SLC28A1: variants seen among roughly 807,000 people sequenced by gnomAD.
SLC28A1 encodes sodium/nucleoside cotransporter 1.
A neutral mutation model predicts 74.8 loss-of-function variants in SLC28A1; 64 were observed. The observed-to-expected ratio is 0.86, with a 90% confidence interval of 0.70 to 1.05. The LOEUF is 1.05. Ranked by LOEUF, SLC28A1 falls within the 50% of genes least tolerant of loss-of-function variation. The pLI is 0.00. For missense variants in SLC28A1, 828 were observed against 822.8 expected (o/e 1.01, Z -0.08); for synonymous variants, 359 against 335.0 (o/e 1.07, Z -0.78).
chr15:84,905,562 G>A lies in SLC28A1; in HGVS notation c.627G>A (p.Trp209Ter). The A allele has an allele frequency of 1.2e-6, 2 of 1,613,770 alleles. No individual in the cohort carries two copies. The highest frequency in any genetic ancestry group is 1.7e-6 in the Non-Finnish European group (2 of 1,179,660). The change falls in exon 8 of 19, where the codon TGG (tryptophan) becomes TGA (stop). Residue 209 changes from tryptophan (W) to a stop codon, truncating the protein, a stop_gained. Transcript: ENST00000394573. LOFTEE classifies it high-confidence loss of function. The part of the protein sequence containing the change: ...HCAVSWRAVS[W>*]GLGLQFVLGL... ...AGGTGTCCTGGAGGGCCGTGTCTTG[G>A]GGACTTGGACTGCAGTTTGTACTTG... is the stretch of plus-strand genomic sequence containing the variant.
intron 12 of SLC28A1, among the ~76,000 whole-genome samples, chr15:84,930,806 A>G (rs1971180611): frequency 6.7e-6 from 1 of 149,800 alleles, no homozygotes; most frequent in Non-Finnish European, 1.5e-5. Flanking sequence ...GTCTCGCACT[A>G]TTGCCTGGGC....
chr15:84,906,573 T>TCTTTCTCTTGCTTC (rs1967246980), intron 8 of SLC28A1, among the ~76,000 whole-genome samples: 13 of 97,978 alleles, frequency 1.3e-4, no homozygotes, highest in Non-Finnish European at 6.5e-5. Flanking sequence ...TCTCTTTCTT[T>TCTTTCTCTTGCTTC]CTTCCTTCCT....
At chr15:84,895,753 C>CG (rs1965930066) in intron 6 of SLC28A1, 1 of 1,186,734 alleles carries the variant, frequency 8.4e-7, no homozygotes, top group South Asian at 2.3e-5. Flanking sequence ...AGAAAATTCG[C>CG]TGGGGGAAAA....
chr15:84,915,089 T>G (rs933419876), intron 9 of SLC28A1, among the ~76,000 whole-genome samples: 1 of 152,098 alleles, frequency 6.6e-6, no homozygotes, highest in African/African-American at 2.4e-5. Flanking sequence ...GGACAAGCAG[T>G]CTAGACAGTA....
Position 84,928,518 on chromosome 15 carries a change from G to GTTTC in SLC28A1, c.1083+4408_1083+4409insTTTC, listed in dbSNP as rs749290216. On this transcript the variant is annotated intron_variant, in intron 12 of 18. Transcript: ENST00000394573. Reference sequence around the variant, plus strand: ...TCTTGCCCTTTCCTTCAAGCTCCCAGGTTCGTTCGTTCTTTCTTTCTTTCT... The same window carrying GTTTC: ...TCTTGCCCTTTCCTTCAAGCTCCCAGTTTCGTTCGTTCGTTCTTTCTTTCTTTCT... Among the ~76,000 whole-genome samples, 136 of 34,120 alleles carry GTTTC rather than the reference G, an allele frequency of 4.0e-3. 17 individuals are homozygous for GTTTC. Among genetic ancestry groups the GTTTC allele is most frequent in the African/African-American group, 9.0e-3 (129 of 14,274 alleles). 22.4% of individuals were successfully genotyped at this position (34,120 alleles called of 152,430 possible).
chr15:84,942,170 G>A (rs1237773358), intron 15 of SLC28A1, among the ~76,000 whole-genome samples: 1 of 152,124 alleles, frequency 6.6e-6, no homozygotes, highest in East Asian at 1.9e-4. Context: ...TATAGTAGGT[G>A]TAAATATTTA....
chr15:84,940,392 TA>T (rs956682179), intron 15 of SLC28A1: 1 of 152,862 alleles, frequency 6.5e-6, no homozygotes, highest in African/African-American at 2.4e-5. Flanking sequence ...CTGTACAGTT[TA>T]AAAACAAATC....
intron 6 of SLC28A1, chr15:84,895,645 G>C: frequency 1.4e-6 from 2 of 1,432,214 alleles, no homozygotes. Flanking sequence ...GCAGGAGAGG[G>C]AGGTTGTGGA....
rs115647635 is a variant in SLC28A1, at chr15:84,945,168, C to A, written c.1918C>A (p.Arg640=). 3.1e-6 allele frequency: 5 copies of A among 1,614,048 alleles called. No homozygotes were observed. In the East Asian group the frequency reaches 8.9e-5, roughly 29 times the overall value. ...FSPEALDNCC[R]FYNHTICAQ is the part of the protein sequence containing the mutation. ...CCCAGAGGCCCTGGACAACTGCTGT[C>A]GGTTTTACAACCACACGATCTGTGC... is the stretch of plus-strand genomic sequence containing the variant. Residue 640 remains arginine, a synonymous_variant, in exon 19 of 19, where the codon CGG becomes AGG. Coordinates refer to ENST00000394573, the MANE Select transcript of SLC28A1 (RefSeq NM_004213.5).
chr15:84,962,474 G>A, the SLC28A1 span, among the ~76,000 whole-genome samples: 72 of 152,184 alleles, frequency 4.7e-4, no homozygotes, highest in South Asian at 7.5e-3. Context: ...GTCTTGCTCC[G>A]TCGCCCAGGC....
chr15:84,898,889 G>A (rs977947440), intron 6 of SLC28A1, among the ~76,000 whole-genome samples: 76 of 152,292 alleles, frequency 5.0e-4, no homozygotes, highest in African/African-American at 1.7e-3. Flanking sequence ...GGAAATCCAG[G>A]GAAGCCATGG....
intron 9 of SLC28A1, among the ~76,000 whole-genome samples, chr15:84,911,559 C>T (rs780227992): frequency 6.6e-6 from 1 of 151,572 alleles, no homozygotes; most frequent in African/African-American, 2.4e-5. Flanking sequence ...CAAAAATGAT[C>T]ATTTAAAAAT....
the SLC28A1 span, among the ~76,000 whole-genome samples, chr15:84,953,534 G>A: frequency 1.3e-5 from 2 of 152,168 alleles, no homozygotes; most frequent in African/African-American, 4.8e-5. Flanking sequence ...GTTCAAGACC[G>A]GCCTGGGCAA....
At chr15:84,963,271 G>A in the SLC28A1 span, among the ~76,000 whole-genome samples, 13 of 152,132 alleles carry the variant, frequency 8.5e-5, no homozygotes, top group Non-Finnish European at 1.3e-4. Flanking sequence ...AACAAGCAGT[G>A]CCTACCACCA....
In SLC28A1 at chr15:84,908,178, CTTTTTTT is replaced by C. The variant is rs71135328; in HGVS notation, c.718-523_718-517del. Among the ~76,000 whole-genome samples, 711 of 91,336 alleles carry C rather than the reference CTTTTTTT, an allele frequency of 7.8e-3. 4 individuals are homozygous for C. The highest frequency in any genetic ancestry group is 0.028 in the African/African-American group (585 of 20,940). The allele number at this position is 91,336 out of a possible 152,430, so 59.9% of individuals were successfully genotyped here. A position where few individuals can be genotyped will look rare whatever the true frequency, so the allele number is the denominator to read the frequency against. ...TGTCCTAATAACTCCCAGAGCATTTCTTTTTTTTTTTTTTTTTTTTTTTGAGACAGAG... is the reference window on the plus strand; with the variant it reads ...TGTCCTAATAACTCCCAGAGCATTTCTTTTTTTTTTTTTTTTGAGACAGAG... On this transcript the variant is annotated intron_variant, in intron 8 of 18. Coordinates refer to ENST00000394573, the MANE Select transcript of SLC28A1 (RefSeq NM_004213.5).
chr15:84,894,688 TCAC>T (rs1241827812), intron 5 of SLC28A1, among the ~76,000 whole-genome samples: 8 of 152,196 alleles, frequency 5.3e-5, no homozygotes, highest in Admixed American at 5.2e-4. Flanking sequence ...CACATCTCCC[TCAC>T]ATTTGGTAAG....
At chr15:84,967,445 A>C in the SLC28A1 span, among the ~76,000 whole-genome samples, 1 of 152,344 alleles carries the variant, frequency 6.6e-6, no homozygotes, top group East Asian at 1.9e-4. Flanking sequence ...AGGAATAGTG[A>C]TGGCCTGACC....
chr15:84,951,550 T>A, the SLC28A1 span, among the ~76,000 whole-genome samples: 1 of 152,012 alleles, frequency 6.6e-6, no homozygotes, highest in Non-Finnish European at 1.5e-5. Context: ...TCCTTTATGT[T>A]ATTATTTGGG....
intron 3 of SLC28A1, among the ~76,000 whole-genome samples, chr15:84,888,350 C>T (rs888012063): frequency 1.3e-5 from 2 of 152,114 alleles, no homozygotes; most frequent in African/African-American, 4.8e-5. Flanking sequence ...CCTTCACTGC[C>T]CTTGTCTCTT....
Sources: allele counts gnomAD v4.1 joint callset (sites outside exome capture counted in the v4.1 genomes callset), GRCh38; gene constraint gnomAD v4.1.1; transcripts MANE v1.5; gene names NCBI Gene and HGNC (gene_info 2026-07-23, HGNC 2026-07-21).